FDXACB1: variants seen among roughly 807,000 people sequenced by gnomAD.
FDXACB1 encodes the protein ferredoxin-fold anticodon binding domain containing 1.
Under a neutral mutation model 51.7 loss-of-function variants are expected in FDXACB1, and 41 were observed. The ratio of observed to expected loss-of-function variants is 0.79; its 90% confidence interval spans 0.62 to 1.03. FDXACB1 has a LOEUF of 1.03. FDXACB1 is among the 50% of genes least tolerant of loss of function. The pLI is 0.00. For missense variants in FDXACB1, 697 were observed against 746.4 expected (o/e 0.93, Z 0.77); for synonymous variants, 273 against 278.6 (o/e 0.98, Z 0.20).
rs1555161832 is a variant in FDXACB1 at position 111,874,983 on chromosome 11, G to A, written c.1814C>T (p.Ala605Val). The A allele has an allele frequency of 3.1e-6, 5 of 1,614,002 alleles. No individual in the cohort carries two copies. In the Admixed American group the frequency reaches 6.7e-5, roughly 22 times the overall value. The stretch of plus-strand genomic sequence containing the variant: ...CTTCCTAAACTGGGACTGCATTGAT[G>A]CTACTTGCTGCTGGGTGAGGGCCTT... ...CDKALTQQQVASMQSQFRKEI... is the reference protein window; with the variant it reads ...CDKALTQQQVVSMQSQFRKEI... Residue 605 changes from alanine to valine, a missense_variant, in exon 5 of 5, where the codon GCA (alanine) becomes GTA (valine). Around this residue, in one of 3 missense-constraint regions of FDXACB1, gnomAD observed 538 missense variants for 592.2 expected, o/e 0.91. Transcript: ENST00000260257.
At chr11:111,876,445 G>A in intron 4 of FDXACB1, 36 bp downstream of exon 4, 1 of 1,603,996 alleles carries the variant, frequency 6.2e-7, no homozygotes, top group South Asian at 1.1e-5. Context: ...GATACAACTG[G>A]AGATGGAAGT....
In FDXACB1 at chr11:111,879,144, A is replaced by C; in HGVS notation, c.-12T>G. 7 of 1,587,628 alleles carry C rather than the reference A, an allele frequency of 4.4e-6. No individual in the cohort carries two copies. The highest frequency in any genetic ancestry group is 6.0e-6 in the Non-Finnish European group (7 of 1,167,266). ...CGCCGAGGGGCCATGGCCTCCACGGACTCCCGGCTCGCGTTCTCTGTGGCG... is the reference window on the plus strand; with the variant it reads ...CGCCGAGGGGCCATGGCCTCCACGGCCTCCCGGCTCGCGTTCTCTGTGGCG... On this transcript the variant is annotated 5_prime_UTR_variant, in exon 1 of 5. Transcript: ENST00000260257.
At chr11:111,878,042 C>T (rs1407347948) in intron 2 of FDXACB1, among the ~76,000 whole-genome samples, 1 of 151,846 alleles carries the variant, frequency 6.6e-6, no homozygotes, top group South Asian at 2.1e-4. Flanking sequence ...AAAAAATTAG[C>T]TGGGCGTGGT....
chr11:111,875,571 TGAAGACAGCCATCCTTCA>T lies in FDXACB1; in HGVS notation c.1208_1225del (p.Leu403_Leu408del). 1 of 1,611,932 alleles carries T rather than the reference TGAAGACAGCCATCCTTCA, an allele frequency of 6.2e-7. No homozygotes were observed. The highest frequency in any genetic ancestry group is 8.5e-7 in the Non-Finnish European group (1 of 1,179,576). On this transcript the variant is annotated inframe_deletion, in exon 5 of 5. Transcript: ENST00000260257. ...GCCCTTCAGATGATCCAGCAGTGAT[TGAAGACAGCCATCCTTCA>T]GATTTTGATTAACCCCAAGGATAAA...
chr11:111,876,977 G>A lies in FDXACB1; in HGVS notation c.364C>T (p.His122Tyr). ...CCTTGTCCTCTACATAATGCCACGT[G>A]GACTTCTCCTTCCTCTGCAAGAACG... The part of the protein sequence containing the change: ...ADVLAEEGEV[H>Y]VALCRGQGGT... The change falls in exon 3 of 5, where the codon CAC becomes TAC. Residue 122 changes from histidine to tyrosine, a missense_variant. Physicochemically the swap from His to Tyr is moderately conservative, Grantham distance 83. This residue lies in a region of FDXACB1 where 538 missense variants were observed against 592.2 expected (regional missense o/e 0.91). Transcript: ENST00000260257. 2 of 1,598,234 alleles carry A rather than the reference G, an allele frequency of 1.3e-6. No individual in the cohort carries two copies. The highest frequency in any genetic ancestry group is 1.7e-6 in the Non-Finnish European group (2 of 1,171,712).
At position 111,874,851 on chromosome 11, in the gene FDXACB1, G is replaced by T; in HGVS notation, c.*71C>A. 7.3e-7 allele frequency: 1 copy of T among 1,366,182 alleles called. No homozygotes were observed. The highest frequency in any genetic ancestry group is 1.0e-6 in the Non-Finnish European group (1 of 992,202). 84.6% of individuals were successfully genotyped at this position (1,366,182 alleles called of 1,614,324 possible). ...AACAAAAATCCAGAAAGGACTACTG[G>T]TTGCAAGTTGGTAATTTTCCTCCAC... On this transcript the variant is annotated 3_prime_UTR_variant, in exon 5 of 5. Coordinates refer to ENST00000260257, the MANE Select transcript of FDXACB1 (RefSeq NM_138378.3).
In FDXACB1 at chr11:111,875,571, T is replaced by G; in HGVS notation, c.1226A>C (p.Gln409Pro). ...GCCCTTCAGATGATCCAGCAGTGAT[T>G]GAAGACAGCCATCCTTCAGATTTTG... is the stretch of plus-strand genomic sequence containing the variant. ...VNQNLKDGCL[Q>P]SLLDHLKGIL... Residue 409 changes from glutamine to proline, a missense_variant, in exon 5 of 5, where the codon CAA becomes CCA. Gln to Pro is a moderately conservative substitution (Grantham distance 76, BLOSUM62 -1). This residue lies in a region of FDXACB1 where 538 missense variants were observed against 592.2 expected (regional missense o/e 0.91). Transcript: ENST00000260257. 6.2e-7 allele frequency: 1 copy of G among 1,611,932 alleles called. No individual in the cohort carries two copies. The highest frequency in any genetic ancestry group is 8.5e-7 in the Non-Finnish European group (1 of 1,179,576).
chr11:111,875,166 AT>A lies in FDXACB1; in HGVS notation c.1630del (p.Ile544Ter). Reference sequence around the variant, plus strand: ...TTCATCAAATCCTTTCTTCTGATCTATCCAAAAACTAACATCATGCACATAA... The same window carrying A: ...TTCATCAAATCCTTTCTTCTGATCTACCAAAAACTAACATCATGCACATAA... ...PCYVHDVSFW[I>X]DQKKGFDELE... On this transcript the variant is annotated frameshift_variant, in exon 5 of 5. Transcript: ENST00000260257. LOFTEE classifies it high-confidence loss of function. The A allele has an allele frequency of 6.2e-7, 1 of 1,613,832 alleles. No homozygotes were observed. Among genetic ancestry groups the A allele is most frequent in the Non-Finnish European group, 8.5e-7 (1 of 1,179,880 alleles).
intron 1 of FDXACB1, 112 bp downstream of exon 1, chr11:111,878,849 T>G: frequency 6.6e-7 from 1 of 1,518,972 alleles, no homozygotes; most frequent in Non-Finnish European, 8.9e-7. Flanking sequence ...TGAATATCCG[T>G]GGGACGATCA....
intron 1 of FDXACB1, 55 bp from the exon 2 acceptor site, chr11:111,878,767 TG>T: frequency 6.4e-6 from 10 of 1,564,906 alleles, no homozygotes; most frequent in Non-Finnish European, 8.7e-6. Context: ...CCTCAAGACA[TG>T]GAACAGAAAA....
rs554568105 is a variant in FDXACB1, at chr11:111,874,742, C to T, written c.*180G>A. The T allele has an allele frequency of 2.8e-4, 169 of 594,716 alleles. 1 individual carries two copies. In the African/African-American group the frequency reaches 3.0e-3, roughly 11 times the overall value. The allele number at this position is 594,716 out of a possible 1,614,324, so 36.8% of individuals were successfully genotyped here. On this transcript the variant is annotated 3_prime_UTR_variant, in exon 5 of 5. Transcript: ENST00000260257. ...TGCCACTGCACTCCCGCCTGGGCGG[C>T]AGAGCAAGACTCCGTCTCAAAAAAA... is the stretch of plus-strand genomic sequence containing the variant.
Position 111,875,415 on chromosome 11 carries a change from C to A in FDXACB1, c.1382G>T (p.Cys461Phe), listed in dbSNP as rs782690822. 3.1e-6 allele frequency: 5 copies of A among 1,613,600 alleles called. No individual in the cohort carries two copies. Among genetic ancestry groups the A allele is most frequent in the Non-Finnish European group, 4.2e-6 (5 of 1,179,836 alleles). ...RVKTHNFSPD[C>F]TEDLIIGSVI... is the part of the protein sequence containing the mutation. ...AGACCCAATAATTAGATCCTCAGTA[C>A]AATCTGGGCTAAAATTATGAGTCTT... The change falls in exon 5 of 5, where the codon TGT becomes TTT. Residue 461 changes from cysteine to phenylalanine, a missense_variant. Cys to Phe is a radical substitution (Grantham distance 205). Around this residue, in one of 3 missense-constraint regions of FDXACB1, gnomAD observed 538 missense variants for 592.2 expected, o/e 0.91. Coordinates refer to ENST00000260257, the MANE Select transcript of FDXACB1 (RefSeq NM_138378.3).
In FDXACB1 at chr11:111,878,541, C is replaced by T. The variant is rs3802845; in HGVS notation, c.329+15G>A. The T allele has an allele frequency of 0.34, 525,426 of 1,565,886 alleles. 91,755 individuals carry two copies. Among genetic ancestry groups the T allele is most frequent in the East Asian group, 0.59 (25,358 of 43,300 alleles). ...ATCTTAAACATTTTCCTTGTGAGGG[C>T]GCTCCTTTCCTCACCTTTGGAAAAA... On this transcript the variant is annotated intron_variant, in intron 2 of 4. Coordinates refer to ENST00000260257, the MANE Select transcript of FDXACB1 (RefSeq NM_138378.3).
intron 4 of FDXACB1, among the ~76,000 whole-genome samples, 167 bp downstream of exon 4, chr11:111,876,314 G>A (rs1335448192): frequency 2.6e-5 from 4 of 152,196 alleles, no homozygotes; most frequent in Non-Finnish European, 5.9e-5. Context: ...ATCAGAAAAT[G>A]TGACCATTTA....
rs782420720 is a variant in FDXACB1 at position 111,876,502 on chromosome 11, G to A, written c.671C>T (p.Ala224Val). Residue 224 changes from alanine (A) to valine (V), a missense_variant, in exon 4 of 5, where the codon GCA (alanine) becomes GTA (valine). Physicochemically the swap from Ala to Val is moderately conservative, Grantham distance 64. Around this residue, in one of 3 missense-constraint regions of FDXACB1, gnomAD observed 538 missense variants for 592.2 expected, o/e 0.91. Transcript: ENST00000260257. Reference sequence around the variant, plus strand: ...TTACCTGTTCAACTTTCCTACAAGTGCTTCTGGTTCTGGAAAGGAAAACCA... The same window carrying A: ...TTACCTGTTCAACTTTCCTACAAGTACTTCTGGTTCTGGAAAGGAAAACCA... ...NQWFSFPEPEALVGKLNRGFL... is the reference protein window; with the variant it reads ...NQWFSFPEPEVLVGKLNRGFL... 7.4e-6 allele frequency: 12 copies of A among 1,613,588 alleles called. No individual in the cohort carries two copies. Among genetic ancestry groups the A allele is most frequent in the Non-Finnish European group, 1.0e-5 (12 of 1,179,790 alleles).
chr11:111,879,089 G>A lies in FDXACB1; in HGVS notation c.44C>T (p.Ser15Phe). 2 of 1,613,346 alleles carry A rather than the reference G, an allele frequency of 1.2e-6. No individual in the cohort carries two copies. ...GGTTTCGCTCAGAGCGGCGGCGAAG[G>A]AGAAATTCCCCTCCCCAACCAACAG... is the stretch of plus-strand genomic sequence containing the variant. ...RLLLVGEGNF[S>F]FAAALSETLD... Residue 15 changes from serine (S) to phenylalanine (F), a missense_variant, in exon 1 of 5, where the codon TCC becomes TTC. Ser to Phe is a radical substitution (Grantham distance 155). Around this residue, in one of 3 missense-constraint regions of FDXACB1, gnomAD observed 153 missense variants for 133.5 expected, o/e 1.15. Coordinates refer to ENST00000260257, the MANE Select transcript of FDXACB1 (RefSeq NM_138378.3).
At position 111,875,336 on chromosome 11, in the gene FDXACB1, C is replaced by T; in HGVS notation, c.1461G>A (p.Val487=). ...VIHKDQCFVF[V]SMNLDLLAML... The stretch of plus-strand genomic sequence containing the variant: ...TGGCTAATAAGTCCAAGTTCATAGA[C>T]ACAAACACAAAACACTGGTCTTTAT... The change falls in exon 5 of 5, where the codon GTG becomes GTA. Residue 487 remains valine, a synonymous_variant. Coordinates refer to ENST00000260257, the MANE Select transcript of FDXACB1 (RefSeq NM_138378.3). 6.2e-7 allele frequency: 1 copy of T among 1,613,844 alleles called. No individual in the cohort carries two copies. The highest frequency in any genetic ancestry group is 8.5e-7 in the Non-Finnish European group (1 of 1,179,874).
In FDXACB1 at chr11:111,875,164, C is replaced by G. The variant is rs941685272; in HGVS notation, c.1633G>C (p.Asp545His). 2 of 1,613,840 alleles carry G rather than the reference C, an allele frequency of 1.2e-6. No homozygotes were observed. Among genetic ancestry groups the G allele is most frequent in the African/African-American group, 1.3e-5 (1 of 75,064 alleles). ...AGTTCATCAAATCCTTTCTTCTGAT[C>G]TATCCAAAAACTAACATCATGCACA... is the stretch of plus-strand genomic sequence containing the variant. ...CYVHDVSFWI[D>H]QKKGFDELEF... Residue 545 changes from aspartate to histidine, a missense_variant, in exon 5 of 5, where the codon GAT (aspartate) becomes CAT (histidine). Around this residue, in one of 3 missense-constraint regions of FDXACB1, gnomAD observed 538 missense variants for 592.2 expected, o/e 0.91. Transcript: ENST00000260257.
Position 111,875,486 on chromosome 11 carries a change from G to A in FDXACB1, c.1311C>T (p.Val437=). 1 of 1,612,178 alleles carries A rather than the reference G, an allele frequency of 6.2e-7. No individual in the cohort carries two copies. The highest frequency in any genetic ancestry group is 1.7e-5 in the Admixed American group (1 of 59,704). The change falls in exon 5 of 5, where the codon GTC becomes GTT. Residue 437 remains valine, a synonymous_variant. Coordinates refer to ENST00000260257, the MANE Select transcript of FDXACB1 (RefSeq NM_138378.3). ...LPESSKLSSL[V]KFVLQSNGKD... ...TTCCATTTGACTGAAGGACAAATTTGACTAAACTGCTCAGCTTAGAGCTCT... is the reference window on the plus strand; with the variant it reads ...TTCCATTTGACTGAAGGACAAATTTAACTAAACTGCTCAGCTTAGAGCTCT...
Sources: gnomAD v4.1 joint callset for allele counts (sites outside exome capture counted in the v4.1 genomes callset) on GRCh38, gnomAD v4.1.1 for gene constraint, gnomAD v4.1.1 regional missense constraint, MANE v1.5 for transcripts, NCBI Gene and HGNC (gene_info 2026-07-23, HGNC 2026-07-21) for gene names.